POMP: variants seen among roughly 807,000 people sequenced by gnomAD.
POMP encodes the protein proteasome maturation protein, also known as 2510048O06Rik.
A neutral mutation model predicts 20.6 loss-of-function variants in POMP; 12 were observed. The ratio of observed to expected loss-of-function variants is 0.58; its 90% CI spans 0.37 to 0.94. The LOEUF (loss-of-function observed/expected upper bound fraction) is 0.94. POMP is among the 40% of genes least tolerant of loss of function. The pLI is 0.01. For synonymous variants in POMP, 53 were observed against 55.0 expected, an observed-to-expected ratio of 0.96 and a Z score of 0.16; for missense variants, 136 against 161.1, an observed-to-expected ratio of 0.84 and a Z score of 0.84.
chr13:28,670,554 C>T (rs1272668076), intron 4 of POMP, among the ~76,000 whole-genome samples: 1 of 152,102 alleles, frequency 6.6e-6, no homozygotes, highest in Non-Finnish European at 1.5e-5. Context: ...CTCACTTTAC[C>T]CTCTAAATAA....
At chr13:28,669,014 C>T (rs1271632555) in intron 4 of POMP, among the ~76,000 whole-genome samples, 2 of 151,988 alleles carry the variant, frequency 1.3e-5, no homozygotes, top group Admixed American at 6.6e-5. Context: ...CAGGAAAATC[C>T]CTTTATCAAT....
chr13:28,678,045 A>G lies in POMP; in HGVS notation c.369A>G (p.Gln123=), dbSNP rs762299292. The stretch of plus-strand genomic sequence containing the variant: ...TTTGTTTGCTTTCAGATCCATCACA[A>G]AGCGAAGTCATGGGAGAGCCACACT... ...GFEDILNDPS[Q]SEVMGEPHLM... is the part of the protein sequence containing the mutation. The change falls in exon 6 of 6, where the codon CAA becomes CAG. Residue 123 remains glutamine, a synonymous_variant. Transcript: ENST00000380842. 6.2e-7 allele frequency: 1 copy of G among 1,614,038 alleles called. No homozygotes were observed. Among genetic ancestry groups the G allele is most frequent in the Non-Finnish European group, 8.5e-7 (1 of 1,179,916 alleles).
chr13:28,669,689 A>G (rs1884512976), intron 4 of POMP, among the ~76,000 whole-genome samples: 1 of 152,156 alleles, frequency 6.6e-6, no homozygotes, highest in Non-Finnish European at 1.5e-5. Flanking sequence ...CCTTGTTCTC[A>G]GGTGTCTCTG....
At chr13:28,668,716 A>G (rs1022214391) in intron 4 of POMP, 142 bp downstream of exon 4, 40 of 701,744 alleles carry the variant, frequency 5.7e-5, no homozygotes, top group Non-Finnish European at 8.2e-5. Context: ...CTTGATTTCT[A>G]CTTCATAGAG....
At chr13:28,668,671 C>G (rs1884487762) in intron 4 of POMP, 97 bp downstream of exon 4, 1 of 934,954 alleles carries the variant, frequency 1.1e-6, no homozygotes, top group East Asian at 2.6e-5. Context: ...ACCTTACAAC[C>G]TATTCTACTT....
chr13:28,677,410 A>C (rs1255799722), intron 5 of POMP, among the ~76,000 whole-genome samples: 2 of 152,170 alleles, frequency 1.3e-5, no homozygotes, highest in African/African-American at 4.8e-5. Context: ...TTCTAGTCCT[A>C]TGTTGAGTAG....
In POMP at chr13:28,668,466, T is replaced by A; in HGVS notation, c.163-7T>A. On this transcript the variant is annotated splice_region_variant and splice_polypyrimidine_tract_variant and intron_variant, in intron 3 of 5. Coordinates refer to ENST00000380842, the MANE Select transcript of POMP (RefSeq NM_015932.6). ...TGTAATGTTTAAAATTACATTGTCT[T>A]TTGTAGTTCCAGCTCAACCAAGATA... 6.3e-7 allele frequency: 1 copy of A among 1,582,728 alleles called. No individual in the cohort carries two copies. The highest frequency in any genetic ancestry group is 8.7e-7 in the Non-Finnish European group (1 of 1,151,624).
intron 3 of POMP, among the ~76,000 whole-genome samples, chr13:28,665,919 G>A (rs917616683): frequency 6.6e-6 from 1 of 152,160 alleles, no homozygotes; most frequent in East Asian, 1.9e-4. Flanking sequence ...TCAATTTGGA[G>A]GGAATATTTT....
chr13:28,676,596 TAA>T (rs1193141220), intron 5 of POMP, among the ~76,000 whole-genome samples: 2 of 152,220 alleles, frequency 1.3e-5, no homozygotes, highest in African/African-American at 4.8e-5. Context: ...AACACAGTGT[TAA>T]GTCTATAATC....
At position 28,659,162 on chromosome 13, in the gene POMP, G is replaced by A; in HGVS notation, c.-23G>A. The A allele has an allele frequency of 6.3e-7, 1 of 1,583,394 alleles. No individual in the cohort carries two copies. Among genetic ancestry groups the A allele is most frequent in the Non-Finnish European group, 8.6e-7 (1 of 1,165,698 alleles). On this transcript the variant is annotated 5_prime_UTR_variant, in exon 1 of 6. Coordinates refer to ENST00000380842, the MANE Select transcript of POMP (RefSeq NM_015932.6). ...TCGACTGACGGTAACGGGGCAGAGAGGCTGTTCGCAGAGCTGCGGAAGATG... is the reference window on the plus strand; with the variant it reads ...TCGACTGACGGTAACGGGGCAGAGAAGCTGTTCGCAGAGCTGCGGAAGATG...
At chr13:28,677,740 G>C (rs1307727802) in intron 5 of POMP, among the ~76,000 whole-genome samples, 2 of 152,064 alleles carry the variant, frequency 1.3e-5, no homozygotes, top group Non-Finnish European at 2.9e-5. Context: ...CCACTATTTT[G>C]AGATATTATT....
intron 5 of POMP, among the ~76,000 whole-genome samples, chr13:28,673,118 T>C (rs866304409): frequency 1.2e-3 from 180 of 151,156 alleles, no homozygotes; most frequent in African/African-American, 4.3e-3. Context: ...TTACCCGGGC[T>C]GGAGTGCAGT....
At position 28,672,326 on chromosome 13, in the gene POMP, CT is replaced by C. The variant is rs1248822393; in HGVS notation, c.265-9del. On this transcript the variant is annotated splice_polypyrimidine_tract_variant and intron_variant, in intron 4 of 5. Coordinates refer to ENST00000380842, the MANE Select transcript of POMP (RefSeq NM_015932.6). Reference sequence around the variant, plus strand: ...TTTTTTCTAATCTTGTCCCTTCATACTTTTCCCCAAAGGTTCAGCGTCTTCC... The same window carrying C: ...TTTTTTCTAATCTTGTCCCTTCATACTTTCCCCAAAGGTTCAGCGTCTTCC... The C allele has an allele frequency of 3.2e-6, 5 of 1,575,396 alleles. No individual in the cohort carries two copies. The highest frequency in any genetic ancestry group is 3.3e-5 in the Admixed American group (2 of 59,938).
intron 1 of POMP, among the ~76,000 whole-genome samples, chr13:28,659,645 T>C (rs1884299556): frequency 6.6e-6 from 1 of 152,004 alleles, no homozygotes; most frequent in South Asian, 2.1e-4. Flanking sequence ...CCCACAACTA[T>C]AGGTCGCATT....
chr13:28,661,688 G>A (rs1884344465), intron 1 of POMP, among the ~76,000 whole-genome samples: 1 of 152,134 alleles, frequency 6.6e-6, no homozygotes, highest in African/African-American at 2.4e-5. Flanking sequence ...CAAATGCACT[G>A]TCTTTTTTAC....
At chr13:28,669,683 G>C (rs536253232) in intron 4 of POMP, among the ~76,000 whole-genome samples, 2 of 152,208 alleles carry the variant, frequency 1.3e-5, no homozygotes, top group African/African-American at 4.8e-5. Context: ...CTGAATCCTT[G>C]TTCTCAGGTG....
At chr13:28,660,131 G>A (rs1178134998) in intron 1 of POMP, among the ~76,000 whole-genome samples, 1 of 152,262 alleles carries the variant, frequency 6.6e-6, no homozygotes, top group Non-Finnish European at 1.5e-5. Flanking sequence ...TTGAAACCTT[G>A]TTACTTTACA....
At chr13:28,665,685 ATT>A (rs1884431679) in intron 3 of POMP, among the ~76,000 whole-genome samples, 1 of 152,252 alleles carries the variant, frequency 6.6e-6, no homozygotes, top group Admixed American at 6.5e-5. Flanking sequence ...AGCTGTGAGC[ATT>A]TAATAGGGTA....
intron 1 of POMP, among the ~76,000 whole-genome samples, chr13:28,659,565 T>C (rs1468150300): frequency 6.6e-6 from 1 of 152,080 alleles, no homozygotes; most frequent in Non-Finnish European, 1.5e-5. Flanking sequence ...ACGGGTAACC[T>C]CTGGGAGCCC....
Sources: allele counts gnomAD v4.1 joint callset (sites outside exome capture counted in the v4.1 genomes callset), GRCh38; gene constraint gnomAD v4.1.1; transcripts MANE v1.5; gene names NCBI Gene and HGNC (gene_info 2026-07-23, HGNC 2026-07-21).